Variants in HCK observed in about 807,000 individuals in gnomAD.
The protein encoded by HCK is tyrosine-protein kinase HCK.
HCK carries 40 observed loss-of-function variants against 70.4 expected under a neutral mutation model. The observed-to-expected ratio is 0.57, with a 90% CI of 0.44 to 0.74. The LOEUF (loss-of-function observed/expected upper bound fraction) is 0.74, where lower values mean the gene tolerates loss of function less well. Ranked by LOEUF, HCK falls within the 30% of genes least tolerant of loss-of-function variation. HCK has a pLI of 0.00. For missense variants in HCK, 568 were observed against 697.2 expected (o/e 0.81, Z 2.09); for synonymous variants, 245 against 263.2 (o/e 0.93, Z 0.67).
intron 6 of HCK, 94 bp downstream of exon 6, chr20:32,079,971 C>G: frequency 1.1e-6 from 1 of 912,520 alleles, no homozygotes. Flanking sequence ...CTGGGAAAGG[C>G]TGAAAAACCC....
chr20:32,052,874 G>C (rs2045201621), intron 1 of HCK, among the ~76,000 whole-genome samples: 1 of 151,570 alleles, frequency 6.6e-6, no homozygotes, highest in South Asian at 2.1e-4. Flanking sequence ...AGGCCCTTAC[G>C]GTTCCCGGTG....
intron 12 of HCK, among the ~76,000 whole-genome samples, chr20:32,099,851 C>A (rs184382529): frequency 4.6e-5 from 7 of 152,088 alleles, no homozygotes; most frequent in Admixed American, 1.3e-4. Context: ...TCTCCACTTG[C>A]AGCCAGAAGG....
At chr20:32,098,877 C>A in intron 11 of HCK, 127 bp from the exon 12 acceptor site, 1 of 1,009,534 alleles carries the variant, frequency 9.9e-7, no homozygotes, top group South Asian at 1.6e-5. Context: ...GGCCACGTAT[C>A]AGGGAAATTG....
chr20:32,069,040 C>T (rs189703749), intron 1 of HCK, among the ~76,000 whole-genome samples: 2 of 152,300 alleles, frequency 1.3e-5, no homozygotes, highest in East Asian at 3.9e-4. Flanking sequence ...TATCTCTAGG[C>T]TTGTGGGCCA....
chr20:32,074,043 A>G (rs2045584687), intron 4 of HCK, among the ~76,000 whole-genome samples: 1 of 152,176 alleles, frequency 6.6e-6, no homozygotes, highest in South Asian at 2.1e-4. Flanking sequence ...TGAACAGGTG[A>G]CGCTTTCTCA....
At chr20:32,062,591 C>T (rs560447333) in intron 1 of HCK, among the ~76,000 whole-genome samples, 20 of 152,298 alleles carry the variant, frequency 1.3e-4, no homozygotes, top group African/African-American at 4.6e-4. Context: ...CCAGGGCCCA[C>T]GCAGCCTCTT....
chr20:32,052,622 G>A (rs11699670), intron 1 of HCK, 136 bp downstream of exon 1: 1 of 570,994 alleles, frequency 1.8e-6, no homozygotes, highest in African/African-American at 1.9e-5. Context: ...CGTCGGGGGA[G>A]CCGCGGGTAG....
intron 6 of HCK, among the ~76,000 whole-genome samples, chr20:32,081,523 C>T (rs556081339): frequency 2.0e-4 from 30 of 152,330 alleles, no homozygotes; most frequent in Admixed American, 4.6e-4. Flanking sequence ...TGTGACCTCA[C>T]GGTACCCTGA....
intron 6 of HCK, among the ~76,000 whole-genome samples, chr20:32,081,369 G>C (rs1399959900): frequency 6.6e-6 from 1 of 152,188 alleles, no homozygotes; most frequent in Non-Finnish European, 1.5e-5. Flanking sequence ...GCTCAAACTG[G>C]CATCGATTGA....
chr20:32,059,171 T>C (rs1406996686), intron 1 of HCK, among the ~76,000 whole-genome samples: 1 of 152,186 alleles, frequency 6.6e-6, no homozygotes, highest in Non-Finnish European at 1.5e-5. Flanking sequence ...AGGCAGAGGC[T>C]GAGGCCAAAT....
chr20:32,097,668 G>T (rs988091693), intron 11 of HCK, among the ~76,000 whole-genome samples: 1 of 152,032 alleles, frequency 6.6e-6, no homozygotes, highest in Non-Finnish European at 1.5e-5. Flanking sequence ...AAGAAGATAA[G>T]CAGGAAATCA....
chr20:32,075,702 C>T (rs867762431), intron 5 of HCK, among the ~76,000 whole-genome samples: 1 of 139,704 alleles, frequency 7.2e-6, no homozygotes, highest in African/African-American at 2.9e-5. Context: ...ATCCATCCAT[C>T]CATTCATCCA....
chr20:32,071,574 G>A (rs2045538909), intron 1 of HCK, 88 bp from the exon 2 acceptor site: 4 of 1,546,598 alleles, frequency 2.6e-6, no homozygotes, highest in African/African-American at 2.7e-5. Context: ...CCAGCCCGGG[G>A]GCAGGGGACC....
chr20:32,094,751 A>AAGAGAGAAAGAG lies in HCK; in HGVS notation c.1246+738_1246+739insGAGAAAGAGAGA. On this transcript the variant is annotated intron_variant, in intron 11 of 12. Coordinates refer to ENST00000375852, the MANE Select transcript of HCK (RefSeq NM_002110.5). ...AAAGAAAGAAAGAAAGAAAGAAAGA[A>AAGAGAGAAAGAG]AGAAAGAAAGAAGGAAAGAAAGAAA... 4.5e-5 allele frequency among the ~76,000 whole-genome samples: 4 copies of AAGAGAGAAAGAG among 87,962 alleles called. 1 individual carries two copies. The highest frequency in any genetic ancestry group is 2.2e-4 in the African/African-American group (4 of 17,860). 57.7% of individuals were successfully genotyped at this position (87,962 alleles called of 152,430 possible). A position where few individuals can be genotyped will look rare whatever the true frequency, so the allele number is the denominator to read the frequency against.
chr20:32,070,841 A>G (rs2045525295), intron 1 of HCK, among the ~76,000 whole-genome samples: 2 of 151,014 alleles, frequency 1.3e-5, no homozygotes, highest in African/African-American at 4.9e-5. Flanking sequence ...CAACTCAGAG[A>G]GAGACAGAGA....
At chr20:32,094,751 A>AAGAAAGAAAGAGAGAAAGAAAGAG (rs1555877788) in intron 11 of HCK, among the ~76,000 whole-genome samples, 5 of 87,960 alleles carry the variant, frequency 5.7e-5, no homozygotes, top group South Asian at 3.6e-4. Flanking sequence ...GAAAGAAAGA[A>AAGAAAGAAAGAGAGAAAGAAAGAG]AGAAAGAAAG....
chr20:32,057,537 T>C (rs543898983), intron 1 of HCK, among the ~76,000 whole-genome samples: 5 of 152,122 alleles, frequency 3.3e-5, no homozygotes, highest in African/African-American at 1.2e-4. Flanking sequence ...AAGGTGAAGG[T>C]TGCAGTGATC....
intron 10 of HCK, among the ~76,000 whole-genome samples, chr20:32,090,409 T>C (rs1031117102): frequency 2.6e-5 from 4 of 152,252 alleles, no homozygotes; most frequent in Admixed American, 6.5e-5. Context: ...GGTGGAGAAC[T>C]GGACCACACA....
Position 32,072,054 on chromosome 20 carries a change from C to T in HCK, c.183+272C>T, listed in dbSNP as rs552805065. Reference sequence around the variant, plus strand: ...GGTGTGAGTGAGCATCTCAGGCCTCCGGCCTGGGCAGAAGCAAAAGCAGTG... The same window carrying T: ...GGTGTGAGTGAGCATCTCAGGCCTCTGGCCTGGGCAGAAGCAAAAGCAGTG... On this transcript the variant is annotated intron_variant, in intron 2 of 12. Coordinates refer to ENST00000375852, the MANE Select transcript of HCK (RefSeq NM_002110.5). 287 of 446,576 alleles carry T rather than the reference C, an allele frequency of 6.4e-4. 3 individuals are homozygous for T. In the Admixed American group the frequency reaches 7.1e-3, roughly 11 times the overall value. The allele number at this position is 446,576 out of a possible 1,614,324, so 27.7% of individuals were successfully genotyped here. A position where few individuals can be genotyped will look rare whatever the true frequency, so the allele number is the denominator to read the frequency against.
Sources: allele counts gnomAD v4.1 joint callset (sites outside exome capture counted in the v4.1 genomes callset), GRCh38; gene constraint gnomAD v4.1.1; transcripts MANE v1.5; gene names NCBI Gene and HGNC (gene_info 2026-07-23, HGNC 2026-07-21).